FARS2: variants seen among roughly 807,000 people sequenced by gnomAD.
FARS2 encodes phenylalanyl-tRNA synthetase 2, mitochondrial.
In FARS2, 40 loss-of-function variants were observed where a neutral mutation model predicts 46.4. That is an observed-to-expected ratio of 0.86 (90% CI 0.67 to 1.12). The LOEUF is 1.12. Among genes scored for constraint, FARS2 ranks in the 50% most tolerant of loss-of-function variants. The pLI is 0.00. For synonymous variants in FARS2, 234 were observed against 214.9 expected (o/e 1.09, Z -0.78); for missense variants, 513 against 567.9 (o/e 0.90, Z 0.98).
In FARS2 at chr6:5,609,861, T is replaced by C; in HGVS notation, c.1066-3308T>C. On this transcript the variant is annotated intron_variant, in intron 5 of 6. Transcript: ENST00000274680. ...CTCTTAGGTGATGTTCTTCAGTGTC[T>C]TTAATGCCACCAACAAATGCCTTTT... 13 of 1,020,222 alleles carry C rather than the reference T, an allele frequency of 1.3e-5. 1 individual carries two copies. In the South Asian group the frequency reaches 1.5e-4, roughly 12 times the overall value. 63.2% of individuals were successfully genotyped at this position (1,020,222 alleles called of 1,614,324 possible). A position where few individuals can be genotyped will look rare whatever the true frequency, so the allele number is the denominator to read the frequency against.
At chr6:5,624,507 G>T (rs1775933620) in intron 6 of FARS2, among the ~76,000 whole-genome samples, 1 of 152,200 alleles carries the variant, frequency 6.6e-6, no homozygotes, top group Non-Finnish European at 1.5e-5. Flanking sequence ...AGAGAAGCCG[G>T]GCGCTGAAGG....
intron 1 of FARS2, among the ~76,000 whole-genome samples, chr6:5,280,759 A>G (rs908818442): frequency 2.0e-5 from 3 of 151,578 alleles, no homozygotes; most frequent in Admixed American, 6.6e-5. Flanking sequence ...TTCCTACTTG[A>G]GTTGTTAGGC....
At chr6:5,466,898 A>G (rs1222422599) in intron 4 of FARS2, 6 of 985,308 alleles carry the variant, frequency 6.1e-6, no homozygotes, top group Non-Finnish European at 7.2e-6. Context: ...CCATGAGCAC[A>G]TGGGCACCTC....
chr6:5,661,694 CAG>C (rs918691326), intron 6 of FARS2, among the ~76,000 whole-genome samples: 4 of 152,096 alleles, frequency 2.6e-5, no homozygotes, highest in Admixed American at 1.3e-4. Flanking sequence ...AATGATCACT[CAG>C]GGGGCCAGAA....
At chr6:5,682,986 C>T (rs17141163) in intron 6 of FARS2, among the ~76,000 whole-genome samples, 6,034 of 152,234 alleles carry the variant, frequency 0.04, 152 homozygotes, top group African/African-American at 0.067. Flanking sequence ...GAGGCAGAAC[C>T]GAGTTTGACA....
chr6:5,424,988 A>C (rs1465366631), intron 3 of FARS2, among the ~76,000 whole-genome samples: 1 of 152,158 alleles, frequency 6.6e-6, no homozygotes, highest in Non-Finnish European at 1.5e-5. Context: ...TTCCAGCCAG[A>C]GAGTCCCCTC....
chr6:5,487,820 T>TCTGCAGATCCTG (rs1349064938), intron 4 of FARS2, among the ~76,000 whole-genome samples: 1 of 152,180 alleles, frequency 6.6e-6, no homozygotes, highest in Non-Finnish European at 1.5e-5. Context: ...CCTGCAGTCA[T>TCTGCAGATCCTG]CAGACCCCTC....
chr6:5,623,528 G>T (rs1231136508), intron 6 of FARS2, among the ~76,000 whole-genome samples: 2 of 152,046 alleles, frequency 1.3e-5, no homozygotes, highest in African/African-American at 4.8e-5. Context: ...CCTGACCAAT[G>T]TGGTGAAACC....
chr6:5,350,646 C>T (rs1291437992), intron 1 of FARS2, among the ~76,000 whole-genome samples: 6 of 152,106 alleles, frequency 3.9e-5, no homozygotes, highest in Non-Finnish European at 8.8e-5. Context: ...GTACTTTGAC[C>T]TAAACCTCAC....
chr6:5,446,222 A>AT (rs1562047043), intron 4 of FARS2, among the ~76,000 whole-genome samples: 2 of 151,310 alleles, frequency 1.3e-5, no homozygotes, highest in Non-Finnish European at 2.9e-5. Flanking sequence ...AAAAAAGAAA[A>AT]TTTTTTTTAC....
rs540525488 is a variant in FARS2, at chr6:5,353,267, G to A, written c.-21-15283G>A. ...TTATGGCTGAATAGTATTTCATTGTGTATATATTCCACATTTTCCTTATTC... is the reference window on the plus strand; with the variant it reads ...TTATGGCTGAATAGTATTTCATTGTATATATATTCCACATTTTCCTTATTC... On this transcript the variant is annotated intron_variant, in intron 1 of 6. Coordinates refer to ENST00000274680, the MANE Select transcript of FARS2 (RefSeq NM_006567.5). 2.0e-5 allele frequency among the ~76,000 whole-genome samples: 3 copies of A among 152,214 alleles called. No homozygotes were observed. The South Asian group carries it at 6.3e-4, about 32-fold the overall frequency.
intron 6 of FARS2, among the ~76,000 whole-genome samples, chr6:5,647,281 T>C (rs911407787): frequency 1.3e-5 from 2 of 152,208 alleles, no homozygotes; most frequent in Admixed American, 1.3e-4. Flanking sequence ...TTCATCTCTG[T>C]TCCCTTAGTG....
intron 4 of FARS2, among the ~76,000 whole-genome samples, chr6:5,527,534 A>G (rs568697970): frequency 1.2e-4 from 19 of 152,384 alleles, no homozygotes; most frequent in African/African-American, 3.6e-4. Context: ...ATGTTTCAAC[A>G]GTGTTTCCTC....
chr6:5,659,242 A>G (rs973943966), intron 6 of FARS2, among the ~76,000 whole-genome samples: 17 of 152,132 alleles, frequency 1.1e-4, no homozygotes, highest in African/African-American at 3.6e-4. Flanking sequence ...ATCTGGTGCT[A>G]TTTTCTCATT....
intron 6 of FARS2, among the ~76,000 whole-genome samples, chr6:5,680,872 C>T (rs1433926106): frequency 6.6e-6 from 1 of 152,086 alleles, no homozygotes; most frequent in African/African-American, 2.4e-5. Flanking sequence ...TCTACACTTA[C>T]AGCCAGAAAA....
At chr6:5,477,050 G>T (rs554184636) in intron 4 of FARS2, among the ~76,000 whole-genome samples, 1 of 152,236 alleles carries the variant, frequency 6.6e-6, no homozygotes, top group African/African-American at 2.4e-5. Context: ...ATCAGGCCTG[G>T]CAATTGGTAC....
At chr6:5,721,683 G>A (rs1759921466) in intron 6 of FARS2, among the ~76,000 whole-genome samples, 1 of 152,094 alleles carries the variant, frequency 6.6e-6, no homozygotes, top group Non-Finnish European at 1.5e-5. Flanking sequence ...CTTAAGTATT[G>A]GGAAATATGG....
chr6:5,252,733 C>T, the FARS2 span, among the ~76,000 whole-genome samples: 1 of 152,010 alleles, frequency 6.6e-6, no homozygotes, highest in Non-Finnish European at 1.5e-5. Flanking sequence ...AAAGCTTTAC[C>T]CTTTCCTGGC....
intron 1 of FARS2, among the ~76,000 whole-genome samples, chr6:5,320,828 G>A (rs951007023): frequency 1.3e-5 from 2 of 152,164 alleles, no homozygotes; most frequent in African/African-American, 4.8e-5. Flanking sequence ...AGCACCAGGA[G>A]ATTAGGTGTC....
Sources: allele counts gnomAD v4.1 joint callset (sites outside exome capture counted in the v4.1 genomes callset), GRCh38; gene constraint gnomAD v4.1.1; transcripts MANE v1.5; gene names NCBI Gene and HGNC (gene_info 2026-07-23, HGNC 2026-07-21).